RAB11FIP3: variants seen among roughly 807,000 people sequenced by gnomAD.
RAB11FIP3 encodes the protein rab11 family-interacting protein 3.
RAB11FIP3 carries 17 observed loss-of-function variants against 77.8 expected under a neutral mutation model. That is an observed-to-expected ratio of 0.22 (90% CI 0.15 to 0.33). The LOEUF (loss-of-function observed/expected upper bound fraction) is 0.33. Among genes scored for constraint, RAB11FIP3 ranks in the 10% least tolerant of loss-of-function variants. The pLI is 1.00. For missense variants in RAB11FIP3, 1,005 were observed against 1,011.2 expected (o/e 0.99, Z 0.08); for synonymous variants, 437 against 448.2 (o/e 0.98, Z 0.31).
At position 431,107 on chromosome 16, in the gene RAB11FIP3, GGT is replaced by G. The variant is rs140524774; in HGVS notation, c.714+4400_714+4401del. Among the ~76,000 whole-genome samples the G allele has an allele frequency of 4.0e-5, 6 of 151,802 alleles. No homozygotes were observed. The South Asian group carries it at 6.2e-4, about 16-fold the overall frequency. On this transcript the variant is annotated intron_variant, in intron 1 of 13. Transcript: ENST00000262305. ...GTGTGAGCAGTTACATATGTGAGCT[GGT>G]GTGTGTGTGTGTAATATGTGTGTGC...
intron 4 of RAB11FIP3, among the ~76,000 whole-genome samples, chr16:483,742 A>G (rs1366138566): frequency 6.6e-6 from 1 of 151,942 alleles, no homozygotes. Context: ...TGCTGCCTGG[A>G]GGCCTCATCT....
rs535742707 is a variant in RAB11FIP3 at position 435,690 on chromosome 16, A to G, written c.714+8970A>G. ...GTGTTACTGATTTTGATTATTTTGA[A>G]AAGTAGTGCCTTTGCACATAGCATA... On this transcript the variant is annotated intron_variant, in intron 1 of 13. Transcript: ENST00000262305. 2.6e-5 allele frequency among the ~76,000 whole-genome samples: 4 copies of G among 152,318 alleles called. No individual in the cohort carries two copies. In the South Asian group the frequency reaches 8.3e-4, roughly 32 times the overall value.
rs923787059 is a variant in RAB11FIP3 at position 518,981 on chromosome 16, C to A, written c.1679C>A (p.Ser560Tyr). ...GACGAGGAGAACAGTGAACTCCGGT[C>A]CTGCACGCCCTGTCTGAAGGCCAAC... ...QLDEENSELRSCTPCLKANIE... is the reference protein window; with the variant it reads ...QLDEENSELRYCTPCLKANIE... Residue 560 changes from serine to tyrosine, a missense_variant, in exon 10 of 14, where the codon TCC becomes TAC. Ser to Tyr is a moderately radical substitution (Grantham distance 144, BLOSUM62 -2). This residue lies in a region of RAB11FIP3 where 433 missense variants were observed against 436.1 expected (regional missense o/e 0.99). Coordinates refer to ENST00000262305, the MANE Select transcript of RAB11FIP3 (RefSeq NM_014700.4). 15 of 1,613,664 alleles carry A rather than the reference C, an allele frequency of 9.3e-6. No individual in the cohort carries two copies. Among genetic ancestry groups the A allele is most frequent in the Non-Finnish European group, 1.3e-5 (15 of 1,180,022 alleles).
Position 505,527 on chromosome 16 carries a change from G to A in RAB11FIP3, c.1399G>A (p.Val467Ile), listed in dbSNP as rs752227833. 6.2e-6 allele frequency: 10 copies of A among 1,608,074 alleles called. No homozygotes were observed. The South Asian group carries it at 9.9e-5, about 16-fold the overall frequency. ...GPEEDIADKV[V>I]FLERRVLELE... ...GAAGCCTGGTCTCATTGCCAAGGTT[G>A]TCTTCCTGGAAAGGCGTGTGCTGGA... The change falls in exon 8 of 14, where the codon GTC becomes ATC. Residue 467 changes from valine to isoleucine, a missense_variant. Around this residue, in one of 4 missense-constraint regions of RAB11FIP3, gnomAD observed 433 missense variants for 436.1 expected, o/e 0.99. Transcript: ENST00000262305. The surrounding 1 kb of genome is among the most constrained non-coding windows in gnomAD (Gnocchi z 4.0).
At chr16:487,742 C>T (rs1272896583) in intron 4 of RAB11FIP3, among the ~76,000 whole-genome samples, 1 of 152,052 alleles carries the variant, frequency 6.6e-6, no homozygotes, top group African/African-American at 2.4e-5. Flanking sequence ...ACAGCTGTTT[C>T]ACATGGCCCC....
chr16:520,305 A>G lies in RAB11FIP3; in HGVS notation c.2016+28A>G, dbSNP rs148242808. On this transcript the variant is annotated intron_variant, in intron 12 of 13. Coordinates refer to ENST00000262305, the MANE Select transcript of RAB11FIP3 (RefSeq NM_014700.4). ...GGGCAGGCCTGGGCCTCCCTCCCTC[A>G]CACTCCTGCAGAAGCTTCCACAAGA... 12,419 of 1,546,396 alleles carry G rather than the reference A, an allele frequency of 8.0e-3. 70 individuals are homozygous for G. The highest frequency in any genetic ancestry group is 9.2e-3 in the Non-Finnish European group (10,588 of 1,147,924).
chr16:493,603 T>C (rs566273591), intron 5 of RAB11FIP3, among the ~76,000 whole-genome samples: 1 of 152,236 alleles, frequency 6.6e-6, no homozygotes, highest in African/African-American at 2.4e-5. Flanking sequence ...CCTGGAGGTA[T>C]ATTTTCTTTT....
At chr16:445,402 G>T (rs921641916) in intron 1 of RAB11FIP3, among the ~76,000 whole-genome samples, 7 of 151,716 alleles carry the variant, frequency 4.6e-5, no homozygotes, top group African/African-American at 1.7e-4. Context: ...TCTTGCCACT[G>T]CATTCCAGCC....
chr16:496,210 G>A (rs1320867967), intron 5 of RAB11FIP3, among the ~76,000 whole-genome samples: 1 of 152,216 alleles, frequency 6.6e-6, no homozygotes, highest in African/African-American at 2.4e-5. Context: ...TAATAGTTCA[G>A]CAGCTAGACT....
At chr16:464,929 A>G (rs977849434) in intron 2 of RAB11FIP3, among the ~76,000 whole-genome samples, 5 of 152,160 alleles carry the variant, frequency 3.3e-5, no homozygotes, top group Non-Finnish European at 7.3e-5. Flanking sequence ...AATTCCAAAC[A>G]GAATTTTGTG....
At chr16:455,942 A>T (rs1169843027) in intron 1 of RAB11FIP3, among the ~76,000 whole-genome samples, 2 of 152,192 alleles carry the variant, frequency 1.3e-5, no homozygotes, top group African/African-American at 2.4e-5. Flanking sequence ...TTTATTGAAC[A>T]TCCTTTCATT....
In RAB11FIP3 at chr16:506,282, C is replaced by T. The variant is rs139314331; in HGVS notation, c.1499+655C>T. Among the ~76,000 whole-genome samples, 6 of 152,186 alleles carry T rather than the reference C, an allele frequency of 3.9e-5. No homozygotes were observed. Among genetic ancestry groups the T allele is most frequent in the East Asian group, 1.9e-4 (1 of 5,164 alleles). On this transcript the variant is annotated intron_variant, in intron 8 of 13. Coordinates refer to ENST00000262305, the MANE Select transcript of RAB11FIP3 (RefSeq NM_014700.4). The surrounding 1 kb of genome is among the most constrained non-coding windows in gnomAD (Gnocchi z 4.5). Reference sequence around the variant, plus strand: ...CATAGCCGATTTGCAGGACTGTTTCCGGTGCAAAGTAAGATGAGCTTGTCC... The same window carrying T: ...CATAGCCGATTTGCAGGACTGTTTCTGGTGCAAAGTAAGATGAGCTTGTCC...
chr16:485,789 T>C (rs1040795468), intron 4 of RAB11FIP3, among the ~76,000 whole-genome samples: 1 of 152,272 alleles, frequency 6.6e-6, no homozygotes, highest in African/African-American at 2.4e-5. Context: ...TGTGTCCCAC[T>C]TGATAAATCT....
rs972762659 is a variant in RAB11FIP3 at position 517,524 on chromosome 16, C to T, written c.1641-1419C>T. ...TCGGGGCTGCAGTGAGCTGAGATTC[C>T]ACCAGTGCACTCTGGGTAACAGAGC... is the stretch of plus-strand genomic sequence containing the variant. On this transcript the variant is annotated intron_variant, in intron 9 of 13. Transcript: ENST00000262305. Among the ~76,000 whole-genome samples the T allele has an allele frequency of 2.6e-5, 4 of 151,768 alleles. 1 individual carries two copies. The highest frequency in any genetic ancestry group is 1.3e-4 in the Admixed American group (2 of 15,260).
Position 426,561 on chromosome 16 carries a change from G to C in RAB11FIP3, c.555G>C (p.Ser185=), listed in dbSNP as rs200304295. The C allele has an allele frequency of 1.1e-3, 1,719 of 1,588,968 alleles. 22 individuals carry two copies. In the African/African-American group the frequency reaches 0.02, roughly 19 times the overall value. ...EQGPGSPPQP[S]DLSQTHPLPS... ...GTCCCGGGTCCCCGCCGCAGCCCTC[G>C]GACCTCAGCCAGACCCACCCCCTTC... Residue 185 remains serine, a synonymous_variant, in exon 1 of 14, where the codon TCG becomes TCC. Coordinates refer to ENST00000262305, the MANE Select transcript of RAB11FIP3 (RefSeq NM_014700.4). The surrounding 1 kb of genome is among the most constrained non-coding windows in gnomAD (Gnocchi z 5.0).
At chr16:450,273 G>A (rs1340402040) in intron 1 of RAB11FIP3, among the ~76,000 whole-genome samples, 2 of 152,062 alleles carry the variant, frequency 1.3e-5, no homozygotes, top group African/African-American at 2.4e-5. Context: ...GGGCTCAAGC[G>A]ATCCTTCTGT....
At position 492,488 on chromosome 16, in the gene RAB11FIP3, CCCGGGAGA is replaced by C. The variant is rs1567392523; in HGVS notation, c.1265+3491_1265+3498del. On this transcript the variant is annotated intron_variant, in intron 5 of 13. Transcript: ENST00000262305. ...GAGACCCGAGGCCGCCCAGGGCCCT[CCCGGGAGA>C]CCCGAGGCCGCCCAGGGCCCTCCCG... Among the ~76,000 whole-genome samples the C allele has an allele frequency of 8.6e-4, 13 of 15,176 alleles. 1 individual carries two copies. Among genetic ancestry groups the C allele is most frequent in the Non-Finnish European group, 1.7e-3 (11 of 6,380 alleles). The allele number at this position is 15,176 out of a possible 152,430, so 10.0% of individuals were successfully genotyped here. A position where few individuals can be genotyped will look rare whatever the true frequency, so the allele number is the denominator to read the frequency against.
At chr16:473,726 C>T (rs2055850261) in intron 3 of RAB11FIP3, among the ~76,000 whole-genome samples, 2 of 152,258 alleles carry the variant, frequency 1.3e-5, no homozygotes, top group East Asian at 1.9e-4. Flanking sequence ...AGGCGTGAGC[C>T]ACCGCACCCA....
intron 1 of RAB11FIP3, among the ~76,000 whole-genome samples, chr16:456,942 G>A (rs143912859): frequency 6.6e-6 from 1 of 151,952 alleles, no homozygotes; most frequent in East Asian, 1.9e-4. Flanking sequence ...ATACTGTATA[G>A]CCAGGCTTCC....
Sources: gnomAD v4.1 joint callset for allele counts (sites outside exome capture counted in the v4.1 genomes callset) on GRCh38, gnomAD v4.1.1 for gene constraint, gnomAD v4.1.1 regional missense constraint, Gnocchi (gnomAD v3.1) non-coding constraint, MANE v1.5 for transcripts, NCBI Gene and HGNC (gene_info 2026-07-23, HGNC 2026-07-21) for gene names.